The following C6orf52 variants were observed in gnomAD, a reference collection of about 807,000 sequenced individuals.
The protein encoded by C6orf52 is chromosome 6 open reading frame 52.
In C6orf52, 16 loss-of-function variants were observed where a neutral mutation model predicts 16.6. The ratio of observed to expected loss-of-function variants is 0.96; its 90% confidence interval spans 0.65 to 1.46. The LOEUF is 1.46. C6orf52 is among the 40% of genes most tolerant of loss of function. The probability of loss-of-function intolerance (pLI) is 0.00; values close to 1 mark genes in which losing one functional copy is unlikely to be tolerated. For synonymous variants in C6orf52, 53 were observed against 61.4 expected (o/e 0.86, Z 0.64); for missense variants, 166 against 182.3 (o/e 0.91, Z 0.52).
chr6:10,690,616 GCTTTTA>G (rs1769209112), intron 1 of C6orf52, among the ~76,000 whole-genome samples: 1 of 152,050 alleles, frequency 6.6e-6, no homozygotes, highest in Admixed American at 6.6e-5. Context: ...AGAAAAACTA[GCTTTTA>G]CTTTAACAAA....
chr6:10,674,191 C>T (rs1403940700), intron 4 of C6orf52, among the ~76,000 whole-genome samples: 1 of 152,050 alleles, frequency 6.6e-6, no homozygotes, highest in African/African-American at 2.4e-5. Context: ...GTCACCATTT[C>T]CATTCATGAG....
rs76166886 is a variant in C6orf52 at position 10,692,878 on chromosome 6, T to C, written c.-12+1616A>G. Among the ~76,000 whole-genome samples the C allele has an allele frequency of 4.4e-3, 671 of 152,296 alleles. 4 individuals are homozygous for C. Among genetic ancestry groups the C allele is most frequent in the African/African-American group, 0.015 (640 of 41,554 alleles). On this transcript the variant is annotated intron_variant, in intron 1 of 4. Coordinates refer to ENST00000259983, the MANE Select transcript of C6orf52 (RefSeq NM_001145020.3). ...CAAGGATTTCCACTAGACTGAGAAT[T>C]AGTTTGTCAACAGCATTTCAGTGTC...
intron 3 of C6orf52, among the ~76,000 whole-genome samples, chr6:10,683,523 G>A (rs976319449): frequency 5.9e-5 from 9 of 152,190 alleles, no homozygotes; most frequent in Admixed American, 5.9e-4. Context: ...GCATCCTAGA[G>A]CCTGAGCTAG....
At chr6:10,675,438 A>T (rs2127460503) in intron 4 of C6orf52, among the ~76,000 whole-genome samples, 1 of 152,216 alleles carries the variant, frequency 6.6e-6, no homozygotes, top group Middle Eastern at 3.4e-3. Context: ...ACTTATGGGC[A>T]TTTAGTTTGA....
At position 10,694,612 on chromosome 6, in the gene C6orf52, A is replaced by AGTGT; in HGVS notation, c.-131_-130insACAC. ...CTACAGCCCCTAAGCAACCGGCCGG[A>AGTGT]AGTCGGCCCCACCTCCTCCTGATGT... On this transcript the variant is annotated 5_prime_UTR_variant, in exon 1 of 5. Transcript: ENST00000259983. The AGTGT allele has an allele frequency of 2.2e-5, 4 of 183,288 alleles. No homozygotes were observed. The highest frequency in any genetic ancestry group is 1.2e-4 in the Admixed American group (2 of 16,956). 11.4% of individuals were successfully genotyped at this position (183,288 alleles called of 1,614,324 possible). A position where few individuals can be genotyped will look rare whatever the true frequency, so the allele number is the denominator to read the frequency against.
chr6:10,681,845 C>T (rs180861703), intron 4 of C6orf52, among the ~76,000 whole-genome samples: 10 of 152,234 alleles, frequency 6.6e-5, no homozygotes, highest in African/African-American at 2.4e-4. Context: ...CCTGGAGAAC[C>T]TCCAACCTGC....
chr6:10,694,595 C>CGAT lies in C6orf52; in HGVS notation c.-114_-113insATC. The CGAT allele has an allele frequency of 5.6e-6, 1 of 178,892 alleles. No homozygotes were observed. The highest frequency in any genetic ancestry group is 5.9e-5 in the Admixed American group (1 of 16,812). The allele number at this position is 178,892 out of a possible 1,614,324, so 11.1% of individuals were successfully genotyped here. On this transcript the variant is annotated 5_prime_UTR_variant, in exon 1 of 5. Coordinates refer to ENST00000259983, the MANE Select transcript of C6orf52 (RefSeq NM_001145020.3). ...AATGCACGCTGCCGGCGCTACAGCC[C>CGAT]CTAAGCAACCGGCCGGAAGTCGGCC... is the stretch of plus-strand genomic sequence containing the variant.
chr6:10,693,638 G>A (rs537506664), intron 1 of C6orf52, among the ~76,000 whole-genome samples: 49 of 152,240 alleles, frequency 3.2e-4, no homozygotes, highest in Non-Finnish European at 6.9e-4. Context: ...CGGTGTTTAT[G>A]AGAACTATAC....
intron 4 of C6orf52, among the ~76,000 whole-genome samples, chr6:10,675,305 T>G (rs1209425871): frequency 1.3e-5 from 2 of 152,212 alleles, no homozygotes; most frequent in Non-Finnish European, 2.9e-5. Context: ...GTGCCTGGTT[T>G]ATTTCACTTG....
Position 10,694,592 on chromosome 6 carries a change from GCCCCTAAGC to G in C6orf52, c.-119_-111del. 1 of 180,834 alleles carries G rather than the reference GCCCCTAAGC, an allele frequency of 5.5e-6. No individual in the cohort carries two copies. Among genetic ancestry groups the G allele is most frequent in the South Asian group, 9.5e-5 (1 of 10,516 alleles). The allele number at this position is 180,834 out of a possible 1,614,324, so 11.2% of individuals were successfully genotyped here. A position where few individuals can be genotyped will look rare whatever the true frequency, so the allele number is the denominator to read the frequency against. On this transcript the variant is annotated 5_prime_UTR_variant, in exon 1 of 5. Coordinates refer to ENST00000259983, the MANE Select transcript of C6orf52 (RefSeq NM_001145020.3). The stretch of plus-strand genomic sequence containing the variant: ...AACAATGCACGCTGCCGGCGCTACA[GCCCCTAAGC>G]AACCGGCCGGAAGTCGGCCCCACCT...
intron 1 of C6orf52, among the ~76,000 whole-genome samples, chr6:10,694,221 C>T (rs1272238841): frequency 3.3e-5 from 5 of 149,366 alleles, no homozygotes. Context: ...AATCGCGCCA[C>T]CGGACTCCAG....
chr6:10,684,936 A>C lies in C6orf52; in HGVS notation c.271-1704T>G. The C allele has an allele frequency of 4.8e-6, 6 of 1,255,214 alleles. No individual in the cohort carries two copies. In the South Asian group the frequency reaches 7.7e-5, roughly 16 times the overall value. The allele number at this position is 1,255,214 out of a possible 1,614,324, so 77.8% of individuals were successfully genotyped here. On this transcript the variant is annotated intron_variant, in intron 3 of 4. Coordinates refer to ENST00000259983, the MANE Select transcript of C6orf52 (RefSeq NM_001145020.3). ...GCACAGGGGGTCACTACAGCCACAA[A>C]AGATAACATATTTATATAATTCTTG... is the stretch of plus-strand genomic sequence containing the variant.
intron 4 of C6orf52, among the ~76,000 whole-genome samples, chr6:10,681,154 G>T (rs1768354785): frequency 6.6e-6 from 1 of 152,054 alleles, no homozygotes; most frequent in Admixed American, 6.6e-5. Context: ...GGTCTGTTCA[G>T]GTTTTCTATT....
intron 4 of C6orf52, among the ~76,000 whole-genome samples, chr6:10,680,471 G>A (rs189064508): frequency 3.9e-5 from 6 of 152,300 alleles, no homozygotes; most frequent in Non-Finnish European, 8.8e-5. Flanking sequence ...AATATTGGTT[G>A]TAGTTTTTTC....
At chr6:10,674,233 A>G (rs1190808624) in intron 4 of C6orf52, among the ~76,000 whole-genome samples, 1 of 152,114 alleles carries the variant, frequency 6.6e-6, no homozygotes, top group Non-Finnish European at 1.5e-5. Flanking sequence ...CCTAATCCTA[A>G]TCATCTCCCT....
chr6:10,690,542 T>G (rs1769201909), intron 1 of C6orf52, among the ~76,000 whole-genome samples: 3 of 152,080 alleles, frequency 2.0e-5, no homozygotes, highest in African/African-American at 7.2e-5. Context: ...CAGGGCTGAT[T>G]TTTCTCTACT....
At chr6:10,687,356 A>AC in intron 2 of C6orf52, 124 bp downstream of exon 2, 1 of 833,646 alleles carries the variant, frequency 1.2e-6, no homozygotes, top group South Asian at 1.6e-5. Flanking sequence ...AAAAACCTGC[A>AC]CGTTCTGCAC....
chr6:10,672,250 G>A (rs186813594), intron 4 of C6orf52, among the ~76,000 whole-genome samples: 1 of 152,294 alleles, frequency 6.6e-6, no homozygotes, highest in Non-Finnish European at 1.5e-5. Flanking sequence ...TGTACTGAAT[G>A]TAATGGAAGA....
chr6:10,694,164 G>A (rs1769622469), intron 1 of C6orf52, among the ~76,000 whole-genome samples: 1 of 151,196 alleles, frequency 6.6e-6, no homozygotes, highest in South Asian at 2.1e-4. Flanking sequence ...GGAGGCTGAG[G>A]CAGGAGAATT....
Sources: gnomAD v4.1 joint callset for allele counts (sites outside exome capture counted in the v4.1 genomes callset) on GRCh38, gnomAD v4.1.1 for gene constraint, MANE v1.5 for transcripts, NCBI Gene and HGNC (gene_info 2026-07-23, HGNC 2026-07-21) for gene names.